Variants in LDAH observed in about 807,000 individuals in gnomAD.
LDAH encodes the protein lipid droplet-associated hydrolase.
In LDAH, 26 loss-of-function variants were observed where a neutral mutation model predicts 29.6. The ratio of observed to expected loss-of-function variants is 0.88; its 90% CI spans 0.64 to 1.22. LDAH has a LOEUF of 1.22. Among genes scored for constraint, LDAH ranks in the 50% most tolerant of loss-of-function variants. LDAH has a pLI of 0.00. For synonymous variants in LDAH, 117 were observed against 133.0 expected (o/e 0.88, Z 0.83); for missense variants, 344 against 387.3 (o/e 0.89, Z 0.94).
At chr2:20,814,767 G>C (rs1014145293) in intron 1 of LDAH, among the ~76,000 whole-genome samples, 1 of 152,102 alleles carries the variant, frequency 6.6e-6, no homozygotes, top group Non-Finnish European at 1.5e-5. Flanking sequence ...CTTCATTCCT[G>C]GTTCCTTTTC....
At chr2:20,744,212 A>G (rs978281487) in intron 4 of LDAH, among the ~76,000 whole-genome samples, 33 of 130,174 alleles carry the variant, frequency 2.5e-4, no homozygotes, top group African/African-American at 9.1e-4. Context: ...AGCTTGCTCT[A>G]TTCTCCTCAG....
In LDAH at chr2:20,759,305, T is replaced by G. The variant is rs148540418; in HGVS notation, c.468+15505A>C. Among the ~76,000 whole-genome samples the G allele has an allele frequency of 1.0e-2, 1,518 of 152,308 alleles. 16 individuals carry two copies. The highest frequency in any genetic ancestry group is 0.037 in the Middle Eastern group (11 of 294). On this transcript the variant is annotated intron_variant, in intron 4 of 6. Transcript: ENST00000237822. ...GTATGACGCTGGCTTCCATCTTTTATGTATCAATACACCTTCCTGATACCT... is the reference window on the plus strand; with the variant it reads ...GTATGACGCTGGCTTCCATCTTTTAGGTATCAATACACCTTCCTGATACCT...
chr2:20,818,371 C>A (rs1673001347), intron 1 of LDAH, among the ~76,000 whole-genome samples: 1 of 152,142 alleles, frequency 6.6e-6, no homozygotes. Flanking sequence ...AATCTTAGCA[C>A]ATAGCCCTAT....
rs1294810210 is a variant in LDAH at position 20,699,454 on chromosome 2, T to C, written c.786+2116A>G. On this transcript the variant is annotated intron_variant, in intron 6 of 6. Transcript: ENST00000237822. ...CTTCTACCAATATTAAATTACAGCATGTTTCCTCTTTTTATTACAGAAACA... is the reference window on the plus strand; with the variant it reads ...CTTCTACCAATATTAAATTACAGCACGTTTCCTCTTTTTATTACAGAAACA... 2.6e-5 allele frequency among the ~76,000 whole-genome samples: 4 copies of C among 152,230 alleles called. No homozygotes were observed. The South Asian group carries it at 6.2e-4, about 24-fold the overall frequency.
intron 5 of LDAH, among the ~76,000 whole-genome samples, chr2:20,725,932 C>G (rs527465958): frequency 6.6e-6 from 1 of 152,156 alleles, no homozygotes; most frequent in Non-Finnish European, 1.5e-5. Flanking sequence ...TAGAAACATA[C>G]GACCCATGTC....
At chr2:20,789,792 A>G (rs561422864) in intron 3 of LDAH, among the ~76,000 whole-genome samples, 9 of 152,048 alleles carry the variant, frequency 5.9e-5, no homozygotes, top group Non-Finnish European at 1.3e-4. Flanking sequence ...TCATAGGAGT[A>G]CCCTACTGTG....
At chr2:20,796,871 A>T (rs1671339146) in intron 2 of LDAH, among the ~76,000 whole-genome samples, 2 of 152,196 alleles carry the variant, frequency 1.3e-5, no homozygotes, top group African/African-American at 4.8e-5. Flanking sequence ...TCTCAACAGA[A>T]AAAACAGTAG....
At chr2:20,807,654 TAAC>T (rs1277590151) in intron 1 of LDAH, among the ~76,000 whole-genome samples, 1 of 152,002 alleles carries the variant, frequency 6.6e-6, no homozygotes, top group Non-Finnish European at 1.5e-5. Context: ...AAAAAATTCT[TAAC>T]AAGTGAGAAA....
chr2:20,816,774 A>G (rs955891494), intron 1 of LDAH, among the ~76,000 whole-genome samples: 7 of 152,042 alleles, frequency 4.6e-5, no homozygotes, highest in African/African-American at 1.7e-4. Context: ...CAGAATACAC[A>G]TTCTTTTCAA....
chr2:20,819,104 C>T (rs562279763), intron 1 of LDAH, among the ~76,000 whole-genome samples: 6 of 152,096 alleles, frequency 3.9e-5, no homozygotes, highest in Non-Finnish European at 8.8e-5. Context: ...AACGAAACCA[C>T]ACACTACACT....
intron 4 of LDAH, among the ~76,000 whole-genome samples, chr2:20,741,965 A>G (rs1403782407): frequency 6.6e-6 from 1 of 152,160 alleles, no homozygotes; most frequent in African/African-American, 2.4e-5. Flanking sequence ...ATTTTATTTT[A>G]TGGCACGATC....
Position 20,686,804 on chromosome 2 carries a change from T to G in LDAH, c.*99A>C. On this transcript the variant is annotated 3_prime_UTR_variant, in exon 7 of 7. Transcript: ENST00000237822. Reference sequence around the variant, plus strand: ...AAGACAAAGGTTCTCACTTTCTTCATTTCTAATATCAGTCTTCAAAATTAA... The same window carrying G: ...AAGACAAAGGTTCTCACTTTCTTCAGTTCTAATATCAGTCTTCAAAATTAA... 8.8e-7 allele frequency: 1 copy of G among 1,134,148 alleles called. No individual in the cohort carries two copies. The highest frequency in any genetic ancestry group is 2.4e-5 in the East Asian group (1 of 41,018). 70.3% of individuals were successfully genotyped at this position (1,134,148 alleles called of 1,614,324 possible).
At position 20,719,055 on chromosome 2, in the gene LDAH, C is replaced by CA. The variant is rs376490186; in HGVS notation, c.704-17404dup. Among the ~76,000 whole-genome samples the CA allele has an allele frequency of 1.8e-3, 265 of 151,382 alleles. 1 individual carries two copies. Among genetic ancestry groups the CA allele is most frequent in the African/African-American group, 6.2e-3 (258 of 41,344 alleles). On this transcript the variant is annotated intron_variant, in intron 5 of 6. Transcript: ENST00000237822. ...AGTTTATAGCAATAAATGCCTATGT[C>CA]AAAAAAATACAGGCTTCAAATAAAT...
intron 6 of LDAH, among the ~76,000 whole-genome samples, chr2:20,687,760 T>C (rs1256240102): frequency 2.6e-5 from 4 of 152,222 alleles, no homozygotes; most frequent in Non-Finnish European, 5.9e-5. Context: ...TAAACCTGCA[T>C]GTGATATATA....
At chr2:20,761,589 G>A (rs534862988) in intron 4 of LDAH, among the ~76,000 whole-genome samples, 1 of 152,234 alleles carries the variant, frequency 6.6e-6, no homozygotes, top group South Asian at 2.1e-4. Flanking sequence ...AAGAAGGTTG[G>A]TATTTAATAT....
intron 5 of LDAH, among the ~76,000 whole-genome samples, chr2:20,703,310 C>T (rs1408554101): frequency 6.6e-6 from 1 of 152,212 alleles, no homozygotes; most frequent in African/African-American, 2.4e-5. Context: ...CCTCTCTGAA[C>T]TCTTTTAGCT....
At chr2:20,771,721 T>G (rs1669437089) in intron 4 of LDAH, among the ~76,000 whole-genome samples, 1 of 152,196 alleles carries the variant, frequency 6.6e-6, no homozygotes, top group Non-Finnish European at 1.5e-5. Context: ...ATCATACAGA[T>G]GTTCACTGCC....
chr2:20,755,968 C>A (rs916000602), intron 4 of LDAH, among the ~76,000 whole-genome samples: 1 of 152,156 alleles, frequency 6.6e-6, no homozygotes. Context: ...CCCTGTAGTA[C>A]AGCTGACCAG....
chr2:20,748,605 C>G (rs946258934), intron 4 of LDAH, among the ~76,000 whole-genome samples: 17 of 152,176 alleles, frequency 1.1e-4, no homozygotes, highest in Non-Finnish European at 1.8e-4. Context: ...AGGCTCACTG[C>G]AAATTATTCT....
Sources: gnomAD v4.1 joint callset for allele counts (sites outside exome capture counted in the v4.1 genomes callset) on GRCh38, gnomAD v4.1.1 for gene constraint, MANE v1.5 for transcripts, NCBI Gene and HGNC (gene_info 2026-07-23, HGNC 2026-07-21) for gene names.